The following MAP2K6 variants were observed in gnomAD, a reference collection of about 807,000 sequenced individuals.
The protein encoded by MAP2K6 is mitogen-activated protein kinase kinase 6.
Under a neutral mutation model 53.7 loss-of-function variants are expected in MAP2K6, and 16 were observed. The observed-to-expected ratio is 0.30, with a 90% confidence interval of 0.20 to 0.45. The LOEUF is 0.45. Ranked by LOEUF, MAP2K6 falls within the 20% of genes least tolerant of loss-of-function variation. The pLI is 1.00. For missense variants in MAP2K6, 204 were observed against 411.9 expected (o/e 0.50, Z 4.37); for synonymous variants, 132 against 143.1 (o/e 0.92, Z 0.55).
At chr17:69,429,145 G>A (rs1333311414) in intron 1 of MAP2K6, among the ~76,000 whole-genome samples, 1 of 152,048 alleles carries the variant, frequency 6.6e-6, no homozygotes, top group Non-Finnish European at 1.5e-5. Flanking sequence ...AAGTTTCAGA[G>A]GGAGAGAGTG....
chr17:69,481,088 C>G (rs746651222), intron 1 of MAP2K6, among the ~76,000 whole-genome samples: 1 of 152,158 alleles, frequency 6.6e-6, no homozygotes, highest in Non-Finnish European at 1.5e-5. Context: ...GTCCCCAGAA[C>G]TCTTTTTTCA....
At chr17:69,450,371 C>T (rs998604293) in intron 1 of MAP2K6, among the ~76,000 whole-genome samples, 1 of 152,216 alleles carries the variant, frequency 6.6e-6, no homozygotes, top group African/African-American at 2.4e-5. Flanking sequence ...GAGTCTGAGG[C>T]AGTAGCATCC....
intron 10 of MAP2K6, among the ~76,000 whole-genome samples, chr17:69,535,252 A>C (rs1428973612): frequency 6.6e-6 from 1 of 152,194 alleles, no homozygotes; most frequent in Non-Finnish European, 1.5e-5. Context: ...CAGCTGTCAT[A>C]AACAGGTCTT....
intron 9 of MAP2K6, among the ~76,000 whole-genome samples, chr17:69,525,513 GA>G (rs1420938293): frequency 6.6e-6 from 1 of 152,164 alleles, no homozygotes; most frequent in Non-Finnish European, 1.5e-5. Flanking sequence ...TAATTTAAAA[GA>G]AAAAGAGGTT....
intron 1 of MAP2K6, among the ~76,000 whole-genome samples, chr17:69,428,547 G>T (rs1021799821): frequency 1.3e-5 from 2 of 152,204 alleles, no homozygotes; most frequent in Admixed American, 1.3e-4. Flanking sequence ...TTAGCTGAGG[G>T]TTAGGACTTC....
intron 1 of MAP2K6, among the ~76,000 whole-genome samples, chr17:69,498,986 C>G (rs555435769): frequency 9.2e-5 from 14 of 152,222 alleles, no homozygotes; most frequent in African/African-American, 3.1e-4. Context: ...TGGTATTAGA[C>G]ACCGTGTTAA....
At chr17:69,511,512 G>T (rs1213587412) in intron 2 of MAP2K6, among the ~76,000 whole-genome samples, 1 of 152,172 alleles carries the variant, frequency 6.6e-6, no homozygotes, top group South Asian at 2.1e-4. Context: ...CGATGCCAGT[G>T]TGAGCTGTCC....
chr17:69,552,202 G>T lies in MAP2K6; in HGVS notation c.*10449G>T, dbSNP rs537361976. Reference sequence around the variant, plus strand: ...GAGAGCCTTTGGGCAAGTGGAAAATGCCCTGATGCTAGAATGAGGTAGTTC... The same window carrying T: ...GAGAGCCTTTGGGCAAGTGGAAAATTCCCTGATGCTAGAATGAGGTAGTTC... On this transcript the variant is annotated 3_prime_UTR_variant, in exon 12 of 12. Coordinates refer to ENST00000590474, the MANE Select transcript of MAP2K6 (RefSeq NM_002758.4). 6.6e-6 allele frequency: 1 copy of T among 152,346 alleles called. No individual in the cohort carries two copies. Among genetic ancestry groups the T allele is most frequent in the South Asian group, 2.1e-4 (1 of 4,826 alleles). The allele number at this position is 152,346 out of a possible 1,614,324, so 9.4% of individuals were successfully genotyped here. A position where few individuals can be genotyped will look rare whatever the true frequency, so the allele number is the denominator to read the frequency against.
chr17:69,488,693 C>G (rs1908637207), intron 1 of MAP2K6, among the ~76,000 whole-genome samples: 1 of 152,100 alleles, frequency 6.6e-6, no homozygotes. Flanking sequence ...GAAGTGGGAG[C>G]TAAACACTTA....
intron 1 of MAP2K6, among the ~76,000 whole-genome samples, chr17:69,427,232 C>T (rs1436448833): frequency 6.6e-6 from 1 of 152,046 alleles, no homozygotes. Flanking sequence ...GAGAAGGAAA[C>T]CTGTTCAATG....
Position 69,550,413 on chromosome 17 carries a change from G to A in MAP2K6, c.*8660G>A, listed in dbSNP as rs1238937941. Reference sequence around the variant, plus strand: ...TTAGAGAAGGTTACCTGATGAGCAAGCTTCTTTCCCATAATTCAGAGAACT... The same window carrying A: ...TTAGAGAAGGTTACCTGATGAGCAAACTTCTTTCCCATAATTCAGAGAACT... On this transcript the variant is annotated 3_prime_UTR_variant, in exon 12 of 12. Coordinates refer to ENST00000590474, the MANE Select transcript of MAP2K6 (RefSeq NM_002758.4). 1.3e-5 allele frequency: 2 copies of A among 152,178 alleles called. No homozygotes were observed. Among genetic ancestry groups the A allele is most frequent in the Non-Finnish European group, 2.9e-5 (2 of 68,034 alleles). 9.4% of individuals were successfully genotyped at this position (152,178 alleles called of 1,614,324 possible). A position where few individuals can be genotyped will look rare whatever the true frequency, so the allele number is the denominator to read the frequency against.
intron 10 of MAP2K6, among the ~76,000 whole-genome samples, chr17:69,528,045 G>T (rs1007866385): frequency 4.8e-5 from 7 of 144,386 alleles, no homozygotes; most frequent in Admixed American, 4.2e-4. Context: ...GGAAGTGGAG[G>T]CTGCAGTGAG....
intron 1 of MAP2K6, among the ~76,000 whole-genome samples, chr17:69,463,480 A>C (rs2145172797): frequency 6.7e-6 from 1 of 150,176 alleles, no homozygotes; most frequent in African/African-American, 2.4e-5. Flanking sequence ...ATATATATAC[A>C]CACATATATG....
rs376535444 is a variant in MAP2K6 at position 69,521,660 on chromosome 17, C to T, written c.535+560C>T. On this transcript the variant is annotated intron_variant, in intron 7 of 11. Coordinates refer to ENST00000590474, the MANE Select transcript of MAP2K6 (RefSeq NM_002758.4). ...CCATTCATCCATCCATCCATTCATT[C>T]ATTTTCTATCCCCCCATTCATCCAT... is the stretch of plus-strand genomic sequence containing the variant. 4 of 152,198 alleles carry T rather than the reference C, an allele frequency of 2.6e-5. No homozygotes were observed. The East Asian group carries it at 5.8e-4, about 22-fold the overall frequency. 9.4% of individuals were successfully genotyped at this position (152,198 alleles called of 1,614,324 possible).
intron 1 of MAP2K6, among the ~76,000 whole-genome samples, chr17:69,479,521 C>T (rs529136802): frequency 6.6e-6 from 1 of 151,338 alleles, no homozygotes; most frequent in Non-Finnish European, 1.5e-5. Flanking sequence ...ACAAATATTC[C>T]AAAATTAAAA....
intron 11 of MAP2K6, among the ~76,000 whole-genome samples, chr17:69,541,230 T>C (rs1911610447): frequency 6.6e-6 from 1 of 152,034 alleles, no homozygotes; most frequent in Non-Finnish European, 1.5e-5. Flanking sequence ...ACCACTGCAC[T>C]CCAGCCTGGG....
At chr17:69,540,849 C>T (rs1277193039) in intron 11 of MAP2K6, among the ~76,000 whole-genome samples, 1 of 152,200 alleles carries the variant, frequency 6.6e-6, no homozygotes, top group Non-Finnish European at 1.5e-5. Context: ...TGGCAAATGG[C>T]TTTAACTGTT....
chr17:69,439,661 T>C (rs760242657), intron 1 of MAP2K6, among the ~76,000 whole-genome samples: 2 of 152,208 alleles, frequency 1.3e-5, no homozygotes, highest in Non-Finnish European at 2.9e-5. Context: ...TTGCTCTCTG[T>C]GCACCAAAAG....
intron 1 of MAP2K6, among the ~76,000 whole-genome samples, chr17:69,431,055 CT>C (rs1906446906): frequency 6.6e-6 from 1 of 152,146 alleles, no homozygotes; most frequent in South Asian, 2.1e-4. Context: ...TGAGTGCTTA[CT>C]GTGTGCGAGT....
Sources: allele counts gnomAD v4.1 joint callset (sites outside exome capture counted in the v4.1 genomes callset), GRCh38; gene constraint gnomAD v4.1.1; transcripts MANE v1.5; gene names NCBI Gene and HGNC (gene_info 2026-07-23, HGNC 2026-07-21).